TOR1AIP1: variants seen among roughly 807,000 people sequenced by gnomAD.
The protein encoded by TOR1AIP1 is torsin-1A-interacting protein 1.
Under a neutral mutation model 63.3 loss-of-function variants are expected in TOR1AIP1, and 54 were observed. That is an observed-to-expected ratio of 0.85 (90% CI 0.69 to 1.07). The LOEUF is 1.07. TOR1AIP1 is among the 50% of genes least tolerant of loss of function. The pLI is 0.00. For synonymous variants in TOR1AIP1, 294 were observed against 273.5 expected, an observed-to-expected ratio of 1.07 and a Z score of -0.74; for missense variants, 736 against 715.0, an observed-to-expected ratio of 1.03 and a Z score of -0.33.
intron 1 of TOR1AIP1, 110 bp from the exon 2 acceptor site, chr1:179,884,582 C>T: frequency 1.1e-6 from 1 of 878,500 alleles, no homozygotes; most frequent in South Asian, 1.9e-5. Flanking sequence ...TCTAAAGAAA[C>T]GAATTTCTTG....
chr1:179,886,208 A>G (rs928765071), intron 2 of TOR1AIP1, among the ~76,000 whole-genome samples: 2 of 152,216 alleles, frequency 1.3e-5, no homozygotes, highest in African/African-American at 4.8e-5. Flanking sequence ...GAAAGCAAAA[A>G]TGTCTAATTT....
At chr1:179,913,130 T>A (rs1028257829) in intron 8 of TOR1AIP1, among the ~76,000 whole-genome samples, 6 of 140,564 alleles carry the variant, frequency 4.3e-5, no homozygotes, top group African/African-American at 1.6e-4. Context: ...TTGTTTTTAA[T>A]TTTTTTTTTT....
intron 3 of TOR1AIP1, among the ~76,000 whole-genome samples, chr1:179,897,824 G>C (rs978232835): frequency 6.6e-6 from 1 of 152,192 alleles, no homozygotes; most frequent in African/African-American, 2.4e-5. Context: ...TTGGCCAAGT[G>C]CAGTGGCTCA....
chr1:179,892,827 T>C (rs1269465526), intron 3 of TOR1AIP1, among the ~76,000 whole-genome samples: 1 of 152,230 alleles, frequency 6.6e-6, no homozygotes. Flanking sequence ...AAGCACCTTG[T>C]AATAAAAACT....
rs1571741081 is a variant in TOR1AIP1 at position 179,917,964 on chromosome 1, T to C, written c.1477T>C (p.Tyr493His). 1 of 1,614,264 alleles carries C rather than the reference T, an allele frequency of 6.2e-7. No individual in the cohort carries two copies. The change falls in exon 10 of 10, where the codon TAC becomes CAC. Residue 493 changes from tyrosine to histidine, a missense_variant. Tyr to His is a moderately conservative substitution (Grantham distance 83). Transcript: ENST00000606911. ...SFPAGSTLIF[Y>H]KYCDHENAAF... ...TCCCGCAGGCTCTACTTTGATCTTCTACAAATATTGTGACCATGAAAACGC... is the reference window on the plus strand; with the variant it reads ...TCCCGCAGGCTCTACTTTGATCTTCCACAAATATTGTGACCATGAAAACGC...
intron 9 of TOR1AIP1, 146 bp from the exon 10 acceptor site, chr1:179,917,306 T>C: frequency 2.8e-6 from 2 of 720,128 alleles, no homozygotes; most frequent in South Asian, 3.9e-5. Flanking sequence ...TAAATTATTT[T>C]ATTAAGAAAA....
At chr1:179,890,618 C>T (rs1240821866) in intron 3 of TOR1AIP1, among the ~76,000 whole-genome samples, 1 of 150,686 alleles carries the variant, frequency 6.6e-6, no homozygotes, top group Non-Finnish European at 1.5e-5. Flanking sequence ...TTTTTTTTTC[C>T]AGGCAGGGTC....
intron 1 of TOR1AIP1, among the ~76,000 whole-genome samples, chr1:179,884,363 C>A (rs1033836438): frequency 4.6e-5 from 7 of 152,256 alleles, no homozygotes; most frequent in African/African-American, 1.7e-4. Flanking sequence ...TTTATTAAAT[C>A]TTTAAGGATC....
chr1:179,902,349 T>C (rs1408896340), intron 5 of TOR1AIP1, among the ~76,000 whole-genome samples: 1 of 152,018 alleles, frequency 6.6e-6, no homozygotes, highest in Non-Finnish European at 1.5e-5. Context: ...CTTTACCTCA[T>C]CATTTCACTT....
intron 2 of TOR1AIP1, among the ~76,000 whole-genome samples, chr1:179,886,393 G>A (rs898054759): frequency 6.6e-6 from 1 of 152,156 alleles, no homozygotes; most frequent in Non-Finnish European, 1.5e-5. Context: ...GTACACCATG[G>A]CTGCATGAGG....
At chr1:179,916,909 G>A (rs989889781) in intron 9 of TOR1AIP1, among the ~76,000 whole-genome samples, 21 of 151,444 alleles carry the variant, frequency 1.4e-4, no homozygotes, top group Admixed American at 2.6e-4. Context: ...TCACAGTCTC[G>A]ATCTCCTGAC....
rs1174930200 is a variant in TOR1AIP1, at chr1:179,917,533, C to T, written c.1046C>T (p.Ser349Phe). The T allele has an allele frequency of 5.0e-6, 8 of 1,613,960 alleles. No homozygotes were observed. The highest frequency in any genetic ancestry group is 2.2e-5 in the East Asian group (1 of 44,894). Residue 349 changes from serine to phenylalanine, a missense_variant, in exon 10 of 10, where the codon TCT becomes TTT. Physicochemically the swap from Ser to Phe is radical, Grantham distance 155. This residue lies in a region of TOR1AIP1 where 272 missense variants were observed against 344.1 expected (regional missense o/e 0.79). Transcript: ENST00000606911. Reference sequence around the variant, plus strand: ...CTTCCTCTGATAGCTGCTCTTGCCTCTGGGAGTTTTTGGTTCTTTAGTACT... The same window carrying T: ...CTTCCTCTGATAGCTGCTCTTGCCTTTGGGAGTTTTTGGTTCTTTAGTACT... ...WLLPLIAALA[S>F]GSFWFFSTPE...
Position 179,919,796 on chromosome 1 carries a change from A to G in TOR1AIP1, c.*1557A>G, listed in dbSNP as rs1649141750. On this transcript the variant is annotated 3_prime_UTR_variant, in exon 10 of 10. Transcript: ENST00000606911. ...CTTTCCTCTAGTACTACCAGTATTC[A>G]TAAATGTATACCCCTTACTGTAATT... 1 of 152,232 alleles carries G rather than the reference A, an allele frequency of 6.6e-6. No individual in the cohort carries two copies. The highest frequency in any genetic ancestry group is 2.1e-4 in the South Asian group (1 of 4,832). The allele number at this position is 152,232 out of a possible 1,614,324, so 9.4% of individuals were successfully genotyped here. A position where few individuals can be genotyped will look rare whatever the true frequency, so the allele number is the denominator to read the frequency against.
intron 3 of TOR1AIP1, among the ~76,000 whole-genome samples, chr1:179,892,020 C>T (rs1048664895): frequency 6.6e-6 from 1 of 152,208 alleles, no homozygotes; most frequent in Non-Finnish European, 1.5e-5. Context: ...AATGAATCTA[C>T]ATTGAATGTT....
At chr1:179,907,633 A>G (rs1648689342) in intron 6 of TOR1AIP1, among the ~76,000 whole-genome samples, 190 bp from the exon 7 acceptor site, 1 of 146,260 alleles carries the variant, frequency 6.8e-6, no homozygotes, top group Non-Finnish European at 1.5e-5. Context: ...ATATATGTAT[A>G]TATATAGTAT....
chr1:179,906,757 A>C (rs1174942274), intron 6 of TOR1AIP1, among the ~76,000 whole-genome samples: 6 of 80,932 alleles, frequency 7.4e-5, no homozygotes, highest in Admixed American at 5.0e-4. Context: ...TTTTTTTTTG[A>C]GACAGAGTCT....
At chr1:179,891,421 A>G (rs2148472728) in intron 3 of TOR1AIP1, among the ~76,000 whole-genome samples, 1 of 151,776 alleles carries the variant, frequency 6.6e-6, no homozygotes, top group East Asian at 1.9e-4. Flanking sequence ...ACAGGGTTTC[A>G]CCATGTTGGC....
In TOR1AIP1 at chr1:179,884,694, G is replaced by T. The variant is rs887727270; in HGVS notation, c.478G>T (p.Asp160Tyr). The change falls in exon 2 of 10, where the codon GAT becomes TAT. Residue 160 changes from aspartate to tyrosine, a missense_variant and splice_region_variant. Asp to Tyr is a radical substitution (Grantham distance 160). Around this residue, in one of 2 missense-constraint regions of TOR1AIP1, gnomAD observed 464 missense variants for 371.0 expected, o/e 1.25. Transcript: ENST00000606911. ...CTCTTGTTATGTCTGTTTTTTAGAG[G>T]ATGAAGCATCTTCCCAAACTGATTT... The part of the protein sequence containing the change: ...GLRDSHSSEE[D>Y]EASSQTDLSQ... 2 of 1,606,842 alleles carry T rather than the reference G, an allele frequency of 1.2e-6. No individual in the cohort carries two copies. The highest frequency in any genetic ancestry group is 2.3e-5 in the East Asian group (1 of 44,244).
chr1:179,901,328 A>C lies in TOR1AIP1; in HGVS notation c.679A>C (p.Ser227Arg). The C allele has an allele frequency of 6.2e-7, 1 of 1,611,400 alleles. No individual in the cohort carries two copies. The highest frequency in any genetic ancestry group is 8.5e-7 in the Non-Finnish European group (1 of 1,178,472). Residue 227 changes from serine to arginine, a missense_variant, in exon 5 of 10, where the codon AGC becomes CGC. Ser to Arg is a moderately radical substitution (Grantham distance 110). Coordinates refer to ENST00000606911, the MANE Select transcript of TOR1AIP1 (RefSeq NM_015602.4). ...AGAAACTGAAGAAGATGATCAAGACAGCTCTCACAGCAGTGTCACTACTGT... is the reference window on the plus strand; with the variant it reads ...AGAAACTGAAGAAGATGATCAAGACCGCTCTCACAGCAGTGTCACTACTGT... ...EGETEEDDQDSSHSSVTTVKA... is the reference protein window; with the variant it reads ...EGETEEDDQDRSHSSVTTVKA...
Sources: allele counts gnomAD v4.1 joint callset (sites outside exome capture counted in the v4.1 genomes callset), GRCh38; gene constraint gnomAD v4.1.1; regional missense constraint gnomAD v4.1.1; transcripts MANE v1.5; gene names NCBI Gene and HGNC (gene_info 2026-07-23, HGNC 2026-07-21).